The following GRIN2B variants were observed in gnomAD, a reference collection of about 807,000 sequenced individuals.
GRIN2B encodes glutamate ionotropic receptor NMDA type subunit 2B.
A neutral mutation model predicts 114.5 loss-of-function variants in GRIN2B; 5 were observed. The ratio of observed to expected loss-of-function variants is 0.04; its 90% CI spans 0.02 to 0.09. GRIN2B has a LOEUF of 0.09. Among genes scored for constraint, GRIN2B ranks in the 10% least tolerant of loss-of-function variants. The pLI is 1.00. For missense variants in GRIN2B, 1,108 were observed against 1,943.5 expected, an observed-to-expected ratio of 0.57 and a Z score of 8.08; for synonymous variants, 787 against 745.1, an observed-to-expected ratio of 1.06 and a Z score of -0.92.
At chr12:13,621,613 G>GTTTTTTT (rs869106790) in intron 5 of GRIN2B, among the ~76,000 whole-genome samples, 1 of 72,366 alleles carries the variant, frequency 1.4e-5, no homozygotes, top group African/African-American at 5.6e-5. Flanking sequence ...CCTAGTTTTT[G>GTTTTTTT]TTTTTTTTTT....
At chr12:13,665,163 GTGTT>G (rs1236703833) in intron 5 of GRIN2B, among the ~76,000 whole-genome samples, 7 of 23,868 alleles carry the variant, frequency 2.9e-4, no homozygotes, top group Non-Finnish European at 6.6e-4. Flanking sequence ...GTGTGTGTGT[GTGTT>G]TGTGTGTGTG....
chr12:13,859,130 A>G (rs962972327), intron 3 of GRIN2B, among the ~76,000 whole-genome samples: 2 of 152,168 alleles, frequency 1.3e-5, no homozygotes, highest in African/African-American at 4.8e-5. Context: ...ACTTTACAGA[A>G]GGAGATTTTG....
intron 5 of GRIN2B, among the ~76,000 whole-genome samples, chr12:13,651,741 G>T (rs1949814943): frequency 6.6e-6 from 1 of 152,030 alleles, no homozygotes; most frequent in Non-Finnish European, 1.5e-5. Context: ...TTGTTTTCTA[G>T]TGCCAGTAAA....
At chr12:13,791,583 T>C (rs1051856688) in intron 3 of GRIN2B, among the ~76,000 whole-genome samples, 1 of 152,182 alleles carries the variant, frequency 6.6e-6, no homozygotes, top group African/African-American at 2.4e-5. Flanking sequence ...ACCTATAATT[T>C]TCCTACAATA....
chr12:13,787,958 A>T (rs1356324338), intron 3 of GRIN2B, among the ~76,000 whole-genome samples: 2 of 152,168 alleles, frequency 1.3e-5, no homozygotes, highest in African/African-American at 4.8e-5. Flanking sequence ...TCTCAAATAC[A>T]CCAGGAAGAT....
intron 8 of GRIN2B, 44 bp from the exon 9 acceptor site, chr12:13,611,894 C>A (rs2136474789): frequency 1.2e-6 from 2 of 1,601,134 alleles, no homozygotes; most frequent in East Asian, 4.5e-5. Flanking sequence ...GAACAGAGAG[C>A]AAAAGAATTC....
At chr12:13,837,731 T>C (rs1767188155) in intron 3 of GRIN2B, among the ~76,000 whole-genome samples, 1 of 152,122 alleles carries the variant, frequency 6.6e-6, no homozygotes, top group Non-Finnish European at 1.5e-5. Context: ...GGGCTTGGGG[T>C]TGGCGATCTG....
chr12:13,583,531 A>G (rs1368525485), intron 10 of GRIN2B, among the ~76,000 whole-genome samples: 2 of 152,230 alleles, frequency 1.3e-5, no homozygotes, highest in Non-Finnish European at 2.9e-5. Flanking sequence ...CAGAAAATGT[A>G]CAGATTAAGG....
intron 4 of GRIN2B, among the ~76,000 whole-genome samples, chr12:13,717,950 C>T (rs1005548324): frequency 1.5e-4 from 23 of 152,014 alleles, no homozygotes; most frequent in African/African-American, 3.1e-4. Flanking sequence ...GAGGATGCTC[C>T]GTCAGGCATT....
At chr12:13,912,283 G>C (rs1866638649) in intron 2 of GRIN2B, among the ~76,000 whole-genome samples, 1 of 152,122 alleles carries the variant, frequency 6.6e-6, no homozygotes, top group South Asian at 2.1e-4. Context: ...AATCAGCAGA[G>C]AGAGAGAAGC....
intron 5 of GRIN2B, among the ~76,000 whole-genome samples, chr12:13,673,221 A>G (rs1565495673): frequency 1.3e-5 from 2 of 152,190 alleles, no homozygotes; most frequent in East Asian, 1.9e-4. Context: ...TTATGATTAT[A>G]TAATTGGATA....
At chr12:13,700,276 A>G (rs987653151) in intron 4 of GRIN2B, among the ~76,000 whole-genome samples, 4 of 152,182 alleles carry the variant, frequency 2.6e-5, no homozygotes, top group African/African-American at 9.7e-5. Context: ...CTCTTGGCCT[A>G]TGTAATTTCG....
At chr12:13,721,109 T>C (rs964632386) in intron 4 of GRIN2B, among the ~76,000 whole-genome samples, 1 of 151,998 alleles carries the variant, frequency 6.6e-6, no homozygotes, top group African/African-American at 2.4e-5. Flanking sequence ...AACTGAGACC[T>C]AAATGGCAAG....
At position 13,554,516 on chromosome 12, in the gene GRIN2B, T is replaced by C. The variant is rs1324572461; in HGVS notation, c.*8267A>G. Reference sequence around the variant, plus strand: ...GTAGGGAAAGGTGAAACAAATGTTATTCAGCTTGTCTGGATTATGGGACAC... The same window carrying C: ...GTAGGGAAAGGTGAAACAAATGTTACTCAGCTTGTCTGGATTATGGGACAC... On this transcript the variant is annotated 3_prime_UTR_variant, in exon 14 of 14. Coordinates refer to ENST00000609686, the MANE Select transcript of GRIN2B (RefSeq NM_000834.5). 1 of 152,120 alleles carries C rather than the reference T, an allele frequency of 6.6e-6. No individual in the cohort carries two copies. The highest frequency in any genetic ancestry group is 1.9e-4 in the East Asian group (1 of 5,186). The allele number at this position is 152,120 out of a possible 1,614,324, so 9.4% of individuals were successfully genotyped here.
chr12:13,791,935 T>C (rs1276025178), intron 3 of GRIN2B, among the ~76,000 whole-genome samples: 1 of 152,218 alleles, frequency 6.6e-6, no homozygotes, highest in Admixed American at 6.5e-5. Flanking sequence ...TTGTACCCAA[T>C]AATTATCTTC....
At chr12:13,893,513 A>C (rs1282078137) in intron 2 of GRIN2B, among the ~76,000 whole-genome samples, 1 of 152,198 alleles carries the variant, frequency 6.6e-6, no homozygotes, top group African/African-American at 2.4e-5. Context: ...ATTGGATGAT[A>C]AATGTTCATA....
chr12:13,975,141 A>T (rs931916353), intron 2 of GRIN2B, among the ~76,000 whole-genome samples: 3 of 152,218 alleles, frequency 2.0e-5, no homozygotes, highest in African/African-American at 4.8e-5. Context: ...GTAGAATACA[A>T]GCACAACTGC....
chr12:13,687,556 A>G (rs1950182946), intron 4 of GRIN2B, among the ~76,000 whole-genome samples: 1 of 152,186 alleles, frequency 6.6e-6, no homozygotes, highest in African/African-American at 2.4e-5. Flanking sequence ...CTTCAGCTCA[A>G]TATTTCTGAT....
At chr12:13,942,657 A>C (rs1357056991) in intron 2 of GRIN2B, among the ~76,000 whole-genome samples, 1 of 152,190 alleles carries the variant, frequency 6.6e-6, no homozygotes, top group Non-Finnish European at 1.5e-5. Context: ...TAAAGTTCCC[A>C]AGTAAGTTAC....
Sources: allele counts gnomAD v4.1 joint callset (sites outside exome capture counted in the v4.1 genomes callset), GRCh38; gene constraint gnomAD v4.1.1; transcripts MANE v1.5; gene names NCBI Gene and HGNC (gene_info 2026-07-23, HGNC 2026-07-21).